The following CADM2 variants were observed in gnomAD, a reference collection of about 807,000 sequenced individuals.
The protein encoded by CADM2 is immunoglobulin superfamily member 4D.
In CADM2, 12 loss-of-function variants were observed where a neutral mutation model predicts 49.8. The observed-to-expected ratio is 0.24, with a 90% CI of 0.15 to 0.39. CADM2 has a LOEUF of 0.39. CADM2 is among the 10% of genes least tolerant of loss of function. CADM2 has a pLI of 1.00. For missense variants in CADM2, 378 were observed against 492.3 expected (o/e 0.77, Z 2.20); for synonymous variants, 214 against 175.4 (o/e 1.22, Z -1.74).
intron 1 of CADM2, among the ~76,000 whole-genome samples, chr3:85,271,130 G>A (rs929395239): frequency 6.6e-6 from 1 of 151,346 alleles, no homozygotes; most frequent in African/African-American, 2.4e-5. Context: ...AGAGATGAAC[G>A]ATTAGCAGTT....
intron 1 of CADM2, among the ~76,000 whole-genome samples, chr3:85,107,907 G>C (rs2038307057): frequency 6.6e-6 from 1 of 151,650 alleles, no homozygotes; most frequent in Non-Finnish European, 1.5e-5. Flanking sequence ...TGCAATGTTT[G>C]GCCAGGCTGG....
chr3:85,266,610 G>A (rs1025632233), intron 1 of CADM2, among the ~76,000 whole-genome samples: 4 of 131,614 alleles, frequency 3.0e-5, no homozygotes, highest in East Asian at 2.1e-4. Flanking sequence ...GAGTCAAGAC[G>A]GTAAGGTTTT....
chr3:85,440,254 C>T (rs975496005), intron 1 of CADM2, among the ~76,000 whole-genome samples: 3 of 152,068 alleles, frequency 2.0e-5, no homozygotes, highest in East Asian at 1.9e-4. Flanking sequence ...AATTAGGAAA[C>T]GTGATTACTA....
intron 1 of CADM2, among the ~76,000 whole-genome samples, chr3:85,533,606 A>G (rs558902777): frequency 5.9e-5 from 9 of 152,210 alleles, no homozygotes; most frequent in Non-Finnish European, 4.4e-5. Context: ...TTATTTTCAA[A>G]TAGAATCATG....
At position 85,245,477 on chromosome 3, in the gene CADM2, A is replaced by C. The variant is rs1202041935; in HGVS notation, c.61+285809A>C. ...CAGTGAGCCGAGATTGCACCACTGC[A>C]CTCCAGCCTGGCGACAGATTGAGGC... On this transcript the variant is annotated intron_variant, in intron 1 of 9. Transcript: ENST00000383699. Among the ~76,000 whole-genome samples, 4 of 151,522 alleles carry C rather than the reference A, an allele frequency of 2.6e-5. No individual in the cohort carries two copies. The East Asian group carries it at 7.8e-4, about 29-fold the overall frequency.
chr3:85,491,161 G>A (rs1055184409), intron 1 of CADM2, among the ~76,000 whole-genome samples: 4 of 152,124 alleles, frequency 2.6e-5, no homozygotes, highest in Non-Finnish European at 5.9e-5. Context: ...TTTGATGATT[G>A]TGATATTTTG....
chr3:85,483,109 C>T (rs2039279244), intron 1 of CADM2, among the ~76,000 whole-genome samples: 1 of 151,310 alleles, frequency 6.6e-6, no homozygotes, highest in Non-Finnish European at 1.5e-5. Flanking sequence ...TTTTTTGAGT[C>T]ATGTTTAATT....
intron 1 of CADM2, among the ~76,000 whole-genome samples, chr3:85,214,732 C>T (rs749720661): frequency 1.3e-5 from 2 of 152,082 alleles, no homozygotes; most frequent in Non-Finnish European, 2.9e-5. Context: ...CCCATGGCCA[C>T]CATTGTCCCC....
At chr3:86,039,005 T>C (rs1735504803) in intron 8 of CADM2, among the ~76,000 whole-genome samples, 1 of 152,176 alleles carries the variant, frequency 6.6e-6, no homozygotes, top group African/African-American at 2.4e-5. Flanking sequence ...TGTTCTTTGC[T>C]CTCCTCTCTA....
intron 8 of CADM2, among the ~76,000 whole-genome samples, chr3:86,050,130 G>A (rs775926591): frequency 6.6e-6 from 1 of 152,178 alleles, no homozygotes; most frequent in African/African-American, 2.4e-5. Flanking sequence ...CAGGGGTACA[G>A]GTGTTGTGTA....
intron 1 of CADM2, among the ~76,000 whole-genome samples, chr3:85,670,720 T>A (rs2065710512): frequency 6.6e-6 from 1 of 152,198 alleles, no homozygotes; most frequent in African/African-American, 2.4e-5. Context: ...AAGTGTTATC[T>A]CTGAGATAGA....
At chr3:85,910,089 TG>T (rs1717382558) in intron 5 of CADM2, among the ~76,000 whole-genome samples, 3 of 152,184 alleles carry the variant, frequency 2.0e-5, no homozygotes, top group African/African-American at 7.2e-5. Context: ...TGCTATCAAA[TG>T]TTATGTGTCC....
At chr3:85,424,763 A>G (rs1201188549) in intron 1 of CADM2, among the ~76,000 whole-genome samples, 1 of 152,206 alleles carries the variant, frequency 6.6e-6, no homozygotes, top group African/African-American at 2.4e-5. Context: ...ATGATTTCTA[A>G]TGTTTAAAAA....
chr3:85,585,815 A>T (rs1365273794), intron 1 of CADM2, among the ~76,000 whole-genome samples: 1 of 152,032 alleles, frequency 6.6e-6, no homozygotes, highest in Admixed American at 6.6e-5. Context: ...TGTTTTAGCC[A>T]GCTGAGCCCT....
At chr3:85,502,144 G>A (rs1196446633) in intron 1 of CADM2, among the ~76,000 whole-genome samples, 1 of 152,108 alleles carries the variant, frequency 6.6e-6, no homozygotes, top group Non-Finnish European at 1.5e-5. Flanking sequence ...AAGTAATTGA[G>A]TAGATGAATT....
intron 1 of CADM2, among the ~76,000 whole-genome samples, chr3:85,407,677 T>A (rs1209205512): frequency 2.6e-5 from 4 of 151,972 alleles, no homozygotes; most frequent in Admixed American, 6.6e-5. Context: ...AAACTGAAGA[T>A]TGTGAAGAAT....
intron 8 of CADM2, chr3:86,012,614 C>T: frequency 1.9e-6 from 3 of 1,583,034 alleles, no homozygotes; most frequent in Admixed American, 1.7e-5. Context: ...GCAGTCCGAC[C>T]TGGCCTTCTT....
chr3:85,657,777 C>CACAGATATATATATATATAT, intron 1 of CADM2, among the ~76,000 whole-genome samples: 1 of 111,216 alleles, frequency 9.0e-6, no homozygotes, highest in Non-Finnish European at 2.1e-5. Flanking sequence ...TATATATATA[C>CACAGATATATATATATATAT]ATATACATGT....
At chr3:85,486,446 T>C (rs569455861) in intron 1 of CADM2, among the ~76,000 whole-genome samples, 1 of 152,258 alleles carries the variant, frequency 6.6e-6, no homozygotes, top group Non-Finnish European at 1.5e-5. Flanking sequence ...GAGAAAAGAT[T>C]GTTAATTAAT....
Sources: allele counts gnomAD v4.1 joint callset (sites outside exome capture counted in the v4.1 genomes callset), GRCh38; gene constraint gnomAD v4.1.1; transcripts MANE v1.5; gene names NCBI Gene and HGNC (gene_info 2026-07-23, HGNC 2026-07-21).